The following CSMD3 variants were observed in gnomAD, a reference collection of about 807,000 sequenced individuals.
CSMD3 encodes CUB and Sushi multiple domains 3.
CSMD3 carries 177 observed loss-of-function variants against 435.2 expected under a neutral mutation model. The observed-to-expected ratio is 0.41, with a 90% CI of 0.36 to 0.46. The LOEUF is 0.46. Among genes scored for constraint, CSMD3 ranks in the 20% least tolerant of loss-of-function variants. The pLI is 0.34. For synonymous variants in CSMD3, 1,656 were observed against 1,520.5 expected (o/e 1.09, Z -2.07); for missense variants, 4,265 against 4,504.6 (o/e 0.95, Z 1.52).
intron 10 of CSMD3, among the ~76,000 whole-genome samples, chr8:112,893,307 A>G (rs925128346): frequency 1.1e-4 from 16 of 151,624 alleles, no homozygotes; most frequent in Middle Eastern, 3.4e-3. Flanking sequence ...ATCAATGACT[A>G]GATTAAGTCA....
At chr8:113,373,733 T>C (rs2094361163) in intron 1 of CSMD3, among the ~76,000 whole-genome samples, 1 of 152,072 alleles carries the variant, frequency 6.6e-6, no homozygotes, top group Admixed American at 6.6e-5. Context: ...ACCTAGGGTA[T>C]TTATCACATA....
At chr8:112,328,973 C>G (rs1823774543) in intron 45 of CSMD3, among the ~76,000 whole-genome samples, 1 of 152,142 alleles carries the variant, frequency 6.6e-6, no homozygotes, top group Non-Finnish European at 1.5e-5. Context: ...AGAAGTCACT[C>G]TTACTATTTA....
intron 22 of CSMD3, among the ~76,000 whole-genome samples, chr8:112,624,907 T>A (rs1207964994): frequency 6.6e-6 from 1 of 152,066 alleles, no homozygotes; most frequent in East Asian, 1.9e-4. Flanking sequence ...TAATCTTTAT[T>A]CCTGCTTGTT....
Position 113,024,072 on chromosome 8 carries a change from A to G in CSMD3, c.918-4893T>C, listed in dbSNP as rs6985759. Among the ~76,000 whole-genome samples the G allele has an allele frequency of 4.9e-3, 739 of 151,800 alleles. 5 individuals are homozygous for G. The highest frequency in any genetic ancestry group is 0.016 in the African/African-American group (647 of 41,388). On this transcript the variant is annotated intron_variant, in intron 5 of 70. Transcript: ENST00000297405. ...ACCCATTGACCAACCTCTCCTATCA[A>G]CTCACCACCTTCCTCAGTCTCTGGT...
chr8:112,415,024 C>A (rs1228973863), intron 32 of CSMD3, among the ~76,000 whole-genome samples: 3 of 152,164 alleles, frequency 2.0e-5, no homozygotes, highest in Non-Finnish European at 4.4e-5. Flanking sequence ...AAAATAAAAA[C>A]CTATTTTCTG....
chr8:112,756,320 C>G (rs771878383), intron 13 of CSMD3, among the ~76,000 whole-genome samples: 2 of 152,212 alleles, frequency 1.3e-5, no homozygotes, highest in Non-Finnish European at 2.9e-5. Flanking sequence ...TTCTCTTTCT[C>G]TGGTAACCAA....
At chr8:113,284,428 GTTA>G (rs1280173051) in intron 2 of CSMD3, among the ~76,000 whole-genome samples, 5 of 152,090 alleles carry the variant, frequency 3.3e-5, no homozygotes, top group African/African-American at 4.8e-5. Context: ...TAAATTTATT[GTTA>G]TTAAGTTATT....
chr8:112,479,148 C>T (rs574677721), intron 31 of CSMD3, among the ~76,000 whole-genome samples: 3 of 152,316 alleles, frequency 2.0e-5, no homozygotes, highest in East Asian at 1.9e-4. Flanking sequence ...GACACATCAG[C>T]GTGGCCCAGT....
chr8:113,043,559 T>C (rs1265274961), intron 5 of CSMD3, among the ~76,000 whole-genome samples: 1 of 151,920 alleles, frequency 6.6e-6, no homozygotes, highest in African/African-American at 2.4e-5. Context: ...CCCCCTTCCC[T>C]ATTTCATCCA....
intron 12 of CSMD3, among the ~76,000 whole-genome samples, chr8:112,803,177 A>C: frequency 6.6e-6 from 1 of 152,106 alleles, no homozygotes; most frequent in East Asian, 1.9e-4. Flanking sequence ...GAAATGGATA[A>C]ATTAAAGGCA....
intron 61 of CSMD3, among the ~76,000 whole-genome samples, chr8:112,259,486 C>T (rs1189190674): frequency 3.3e-5 from 5 of 151,960 alleles, no homozygotes; most frequent in Admixed American, 6.6e-5. Flanking sequence ...AAATACCTAA[C>T]GTAGGTGACA....
intron 1 of CSMD3, among the ~76,000 whole-genome samples, chr8:113,358,932 T>C (rs1280708576): frequency 6.6e-6 from 1 of 152,072 alleles, no homozygotes; most frequent in Non-Finnish European, 1.5e-5. Context: ...GGCAATTTTG[T>C]GCCACATAGC....
At chr8:112,778,661 G>A (rs915743603) in intron 13 of CSMD3, among the ~76,000 whole-genome samples, 1 of 151,938 alleles carries the variant, frequency 6.6e-6, no homozygotes, top group Non-Finnish European at 1.5e-5. Context: ...AGGTATTTGT[G>A]TGGACATAAG....
intron 10 of CSMD3, among the ~76,000 whole-genome samples, chr8:112,891,481 C>T (rs12334392): frequency 0.051 from 7,723 of 151,598 alleles, 661 homozygotes; most frequent in African/African-American, 0.17. Context: ...TTTTTGGAGA[C>T]AGCTCTAGCA....
chr8:112,636,503 C>T (rs2074661748), intron 22 of CSMD3, among the ~76,000 whole-genome samples: 1 of 145,160 alleles, frequency 6.9e-6, no homozygotes, highest in African/African-American at 2.6e-5. Flanking sequence ...TCTATATCAT[C>T]TATCTTTCTC....
chr8:112,246,184 T>C (rs1430752270), intron 64 of CSMD3, among the ~76,000 whole-genome samples: 1 of 152,158 alleles, frequency 6.6e-6, no homozygotes, highest in Non-Finnish European at 1.5e-5. Context: ...TGGAGTGTTC[T>C]CCTGCTTTAA....
At chr8:112,391,558 G>A (rs1830417931) in intron 35 of CSMD3, among the ~76,000 whole-genome samples, 1 of 152,124 alleles carries the variant, frequency 6.6e-6, no homozygotes, top group Non-Finnish European at 1.5e-5. Context: ...CAGACGTGAT[G>A]GTGGGCGCCT....
chr8:113,059,416 C>T (rs926828600), intron 5 of CSMD3, among the ~76,000 whole-genome samples: 1 of 152,094 alleles, frequency 6.6e-6, no homozygotes, highest in African/African-American at 2.4e-5. Context: ...CATCTTACTT[C>T]CCTAGTTTAC....
At chr8:113,317,576 C>T (rs768239662) in intron 1 of CSMD3, among the ~76,000 whole-genome samples, 14 of 152,080 alleles carry the variant, frequency 9.2e-5, no homozygotes, top group African/African-American at 3.1e-4. Flanking sequence ...TTGTTTATCA[C>T]AAAGTTACAT....
Sources: gnomAD v4.1 joint callset for allele counts (sites outside exome capture counted in the v4.1 genomes callset) on GRCh38, gnomAD v4.1.1 for gene constraint, MANE v1.5 for transcripts, NCBI Gene and HGNC (gene_info 2026-07-23, HGNC 2026-07-21) for gene names.